The following ERGIC2 variants were observed in gnomAD, a reference collection of about 807,000 sequenced individuals.
The protein encoded by ERGIC2 is endoplasmic reticulum-Golgi intermediate compartment protein 2.
In ERGIC2, 31 loss-of-function variants were observed where a neutral mutation model predicts 52.5. The observed-to-expected ratio is 0.59, with a 90% CI of 0.44 to 0.80. ERGIC2 has a LOEUF of 0.80. ERGIC2 is among the 30% of genes least tolerant of loss of function. The pLI, the probability that ERGIC2 is intolerant of heterozygous loss-of-function variation, is 0.00. For missense variants in ERGIC2, 395 were observed against 455.2 expected (o/e 0.87, Z 1.20); for synonymous variants, 129 against 140.6 (o/e 0.92, Z 0.58).
At chr12:29,355,525 G>A (rs1341440970) in intron 8 of ERGIC2, among the ~76,000 whole-genome samples, 8 of 152,192 alleles carry the variant, frequency 5.3e-5, no homozygotes, top group African/African-American at 1.9e-4. Flanking sequence ...AAGATGGATG[G>A]ATCTATTTAT....
In ERGIC2 at chr12:29,341,156, T is replaced by C; in HGVS notation, c.1134A>G (p.Ter378=). The C allele has an allele frequency of 6.2e-7, 1 of 1,606,198 alleles. No homozygotes were observed. The highest frequency in any genetic ancestry group is 1.1e-5 in the South Asian group (1 of 90,064). Residue 378 remains the stop codon, a stop_retained_variant, in exon 14 of 14, where the codon TAA becomes TAG. Coordinates refer to ENST00000360150, the MANE Select transcript of ERGIC2 (RefSeq NM_016570.3). ...HLPLLENNTH[*] is the part of the protein sequence containing the mutation. ...GTTTTTCTCCTTCAATCGGGAGGTG[T>C]TAATGTGTATTATTTTCTAAAAGAG...
At position 29,366,861 on chromosome 12, in the gene ERGIC2, T is replaced by C. The variant is rs748689249; in HGVS notation, c.333+16A>G. 6.4e-6 allele frequency: 10 copies of C among 1,561,206 alleles called. No homozygotes were observed. The highest frequency in any genetic ancestry group is 4.1e-5 in the African/African-American group (3 of 73,364). ...TCAACCCGTGTATTTCAAAAAACCA[T>C]GTGAATCAAACTTACTGGTTCATAA... On this transcript the variant is annotated intron_variant, in intron 5 of 13. Coordinates refer to ENST00000360150, the MANE Select transcript of ERGIC2 (RefSeq NM_016570.3).
chr12:29,346,193 CT>C lies in ERGIC2; in HGVS notation c.728-654del, dbSNP rs869281697. On this transcript the variant is annotated intron_variant, in intron 10 of 13. Coordinates refer to ENST00000360150, the MANE Select transcript of ERGIC2 (RefSeq NM_016570.3). ...TGGAAAAGTAGCATTTTTCTTTTTCCTTTTTTTTTTTTTGAGATAGGGTCTC... is the reference window on the plus strand; with the variant it reads ...TGGAAAAGTAGCATTTTTCTTTTTCCTTTTTTTTTTTTGAGATAGGGTCTC... 3.6e-3 allele frequency among the ~76,000 whole-genome samples: 501 copies of C among 140,188 alleles called. 1 individual carries two copies. Among genetic ancestry groups the C allele is most frequent in the African/African-American group, 3.7e-3 (139 of 37,938 alleles). The allele number at this position is 140,188 out of a possible 152,430, so 92.0% of individuals were successfully genotyped here. A position where few individuals can be genotyped will look rare whatever the true frequency, so the allele number is the denominator to read the frequency against.
chr12:29,360,857 A>T (rs1468374692), intron 6 of ERGIC2, among the ~76,000 whole-genome samples: 10 of 151,824 alleles, frequency 6.6e-5, no homozygotes, highest in Middle Eastern at 3.2e-3. Context: ...CTGTAAGAAG[A>T]ATTATCTTGG....
At chr12:29,361,468 A>G (rs1018859145) in intron 6 of ERGIC2, among the ~76,000 whole-genome samples, 177 bp downstream of exon 6, 2 of 152,226 alleles carry the variant, frequency 1.3e-5, no homozygotes, top group African/African-American at 4.8e-5. Flanking sequence ...AAGATTATGC[A>G]TGACTTTCTT....
chr12:29,356,427 A>G lies in ERGIC2; in HGVS notation c.527T>C (p.Leu176Pro). ...SPNACRIHGH[L>P]YVNKVAGNFH... ...ATTCCCTGCTACTTTATTGACATAT[A>G]GATGGCCATGAATTCTGCATGCATT... The change falls in exon 8 of 14, where the codon CTA becomes CCA. Residue 176 changes from leucine (L) to proline (P), a missense_variant. Leu to Pro is a moderately conservative substitution (Grantham distance 98, BLOSUM62 -3). Transcript: ENST00000360150. 6.2e-7 allele frequency: 1 copy of G among 1,604,086 alleles called. No individual in the cohort carries two copies.
intron 6 of ERGIC2, among the ~76,000 whole-genome samples, chr12:29,358,982 T>A (rs1215116786): frequency 6.6e-6 from 1 of 152,100 alleles, no homozygotes; most frequent in Non-Finnish European, 1.5e-5. Context: ...AAATTTACAG[T>A]TAAAGAGAGA....
At chr12:29,379,149 T>C (rs1410349386) in intron 1 of ERGIC2, among the ~76,000 whole-genome samples, 1 of 152,170 alleles carries the variant, frequency 6.6e-6, no homozygotes. Context: ...CAAGGACAAG[T>C]ATAATCCTCC....
intron 6 of ERGIC2, among the ~76,000 whole-genome samples, chr12:29,359,554 C>T (rs1186458927): frequency 5.3e-5 from 8 of 151,882 alleles, no homozygotes; most frequent in East Asian, 1.9e-4. Context: ...TTACTAGTTT[C>T]GAGCATTGAA....
chr12:29,351,420 C>A (rs74756498), intron 8 of ERGIC2, among the ~76,000 whole-genome samples: 4,821 of 152,202 alleles, frequency 0.032, 103 homozygotes, highest in East Asian at 0.071. Context: ...TAAAAATATT[C>A]TTGCCTATAG....
At chr12:29,362,015 C>A (rs1331061481) in intron 5 of ERGIC2, among the ~76,000 whole-genome samples, 1 of 152,122 alleles carries the variant, frequency 6.6e-6, no homozygotes, top group Non-Finnish European at 1.5e-5. Flanking sequence ...GCATGAAATT[C>A]ACAAGTATTA....
At chr12:29,361,789 T>C (rs1371921480) in intron 5 of ERGIC2, 104 bp from the exon 6 acceptor site, 6 of 805,382 alleles carry the variant, frequency 7.4e-6, no homozygotes, top group Non-Finnish European at 1.1e-5. Flanking sequence ...ACTTAAGTGT[T>C]GTTAAAAACA....
At chr12:29,377,075 C>T (rs967233405) in intron 1 of ERGIC2, among the ~76,000 whole-genome samples, 1 of 152,114 alleles carries the variant, frequency 6.6e-6, no homozygotes, top group African/African-American at 2.4e-5. Context: ...ACACGGCCCG[C>T]CCCTCTCAAA....
At chr12:29,362,916 T>C (rs936766212) in intron 5 of ERGIC2, among the ~76,000 whole-genome samples, 1 of 152,200 alleles carries the variant, frequency 6.6e-6, no homozygotes, top group Non-Finnish European at 1.5e-5. Flanking sequence ...CTCCAGCTAA[T>C]GTATAAATAA....
intron 10 of ERGIC2, among the ~76,000 whole-genome samples, chr12:29,348,700 T>C (rs1350114946): frequency 1.3e-5 from 2 of 151,998 alleles, no homozygotes; most frequent in Non-Finnish European, 2.9e-5. Context: ...TGAACCTATA[T>C]TATACAAAGA....
chr12:29,368,309 A>G (rs1461425976), intron 3 of ERGIC2, 22 bp from the exon 4 acceptor site: 2 of 1,239,612 alleles, frequency 1.6e-6, no homozygotes, highest in Middle Eastern at 1.9e-4. Context: ...AATATTAAAC[A>G]TTAGTACCTA....
intron 6 of ERGIC2, among the ~76,000 whole-genome samples, chr12:29,361,121 G>C (rs1940279651): frequency 6.6e-6 from 1 of 152,022 alleles, no homozygotes; most frequent in Non-Finnish European, 1.5e-5. Flanking sequence ...GGTGGTGTGT[G>C]CCTGTAGTGT....
intron 3 of ERGIC2, among the ~76,000 whole-genome samples, chr12:29,369,279 T>G (rs1398621941): frequency 6.6e-6 from 1 of 151,938 alleles, no homozygotes; most frequent in African/African-American, 2.4e-5. Context: ...ATTGCATTGG[T>G]GCTGAAAACA....
At position 29,340,799 on chromosome 12, in the gene ERGIC2, T is replaced by C. The variant is rs1176626968; in HGVS notation, c.*357A>G. 2.3e-6 allele frequency: 1 copy of C among 429,980 alleles called. No individual in the cohort carries two copies. Among genetic ancestry groups the C allele is most frequent in the Non-Finnish European group, 4.5e-6 (1 of 223,120 alleles). 26.6% of individuals were successfully genotyped at this position (429,980 alleles called of 1,614,324 possible). ...TTTGCACTTCTCAATGTTTTTTTTT[T>C]TCCCATAGATGTAGTTTCACTTATT... On this transcript the variant is annotated 3_prime_UTR_variant, in exon 14 of 14. Transcript: ENST00000360150.
Sources: gnomAD v4.1 joint callset for allele counts (sites outside exome capture counted in the v4.1 genomes callset) on GRCh38, gnomAD v4.1.1 for gene constraint, MANE v1.5 for transcripts, NCBI Gene and HGNC (gene_info 2026-07-23, HGNC 2026-07-21) for gene names.